KCNQ2: variants seen among roughly 807,000 people sequenced by gnomAD.
KCNQ2 encodes the protein potassium voltage-gated channel subfamily KQT member 2.
Under a neutral mutation model 84.8 loss-of-function variants are expected in KCNQ2, and 14 were observed. That is an observed-to-expected ratio of 0.17 (90% CI 0.11 to 0.26). The LOEUF (loss-of-function observed/expected upper bound fraction) is 0.26, where lower values mean the gene tolerates loss of function less well. Ranked by LOEUF, KCNQ2 falls within the 10% of genes least tolerant of loss-of-function variation. KCNQ2 has a pLI of 1.00. For synonymous variants in KCNQ2, 599 were observed against 554.1 expected, an observed-to-expected ratio of 1.08 and a Z score of -1.14; for missense variants, 788 against 1,254.0, an observed-to-expected ratio of 0.63 and a Z score of 5.61.
intron 1 of KCNQ2, among the ~76,000 whole-genome samples, chr20:63,458,420 G>A (rs1339680024): frequency 6.6e-6 from 1 of 152,124 alleles, no homozygotes; most frequent in Non-Finnish European, 1.5e-5. Flanking sequence ...CGCCGTCCCT[G>A]CCCCAGGGCC....
intron 11 of KCNQ2, among the ~76,000 whole-genome samples, chr20:63,421,668 G>A (rs752457072): frequency 1.3e-5 from 2 of 152,318 alleles, no homozygotes; most frequent in African/African-American, 2.4e-5. Context: ...CTTGAGAAGA[G>A]GAGGGGGAGC....
rs1408316661 is a variant in KCNQ2 at position 63,404,569 on chromosome 20, T to A, written c.*2075A>T. The A allele has an allele frequency of 6.6e-6, 1 of 152,320 alleles. No homozygotes were observed. Among genetic ancestry groups the A allele is most frequent in the Non-Finnish European group, 1.5e-5 (1 of 68,156 alleles). 9.4% of individuals were successfully genotyped at this position (152,320 alleles called of 1,614,324 possible). A position where few individuals can be genotyped will look rare whatever the true frequency, so the allele number is the denominator to read the frequency against. ...GGGGAGCGGTGGCCGGGGCTGGTGC[T>A]GCGTTGGGTGGGACGCACTCATACC... is the stretch of plus-strand genomic sequence containing the variant. On this transcript the variant is annotated 3_prime_UTR_variant, in exon 17 of 17. Transcript: ENST00000359125.
At chr20:63,472,044 C>A (rs2082229083) in intron 1 of KCNQ2, 124 bp downstream of exon 1, 1 of 651,784 alleles carries the variant, frequency 1.5e-6, no homozygotes. Context: ...GGAGCGCCGG[C>A]CCCGGACCCA....
Position 63,472,409 on chromosome 20 carries a change from T to G in KCNQ2, c.55A>C (p.Lys19Gln). 22 of 1,538,654 alleles carry G rather than the reference T, an allele frequency of 1.4e-5. No homozygotes were observed. The highest frequency in any genetic ancestry group is 1.9e-5 in the Non-Finnish European group (22 of 1,146,550). Residue 19 changes from lysine (K) to glutamine (Q), a missense_variant, in exon 1 of 17, where the codon AAG becomes CAG. By Grantham distance (53) the Lys-to-Gln change is moderately conservative (BLOSUM62 1). Coordinates refer to ENST00000359125, the MANE Select transcript of KCNQ2 (RefSeq NM_172107.4). ...AGCCCCACGAAGCCCACCTTCAGCT[T>G]CTTCTCCCCGCTCGGGCCGGGGTAT... ...GVYPGPSGEKKLKVGFVGLDP... is the reference protein window; with the variant it reads ...GVYPGPSGEKQLKVGFVGLDP...
chr20:63,427,536 C>CG (rs2080668931), intron 10 of KCNQ2, among the ~76,000 whole-genome samples: 1 of 152,234 alleles, frequency 6.6e-6, no homozygotes, highest in Non-Finnish European at 1.5e-5. Context: ...AATCAAGGTG[C>CG]GGGCGGGGCC....
intron 12 of KCNQ2, 87 bp downstream of exon 12, chr20:63,419,532 C>A: frequency 1.4e-6 from 2 of 1,384,846 alleles, no homozygotes; most frequent in East Asian, 2.4e-5. Flanking sequence ...CCAGCCTCCC[C>A]CTGGCTCCTC....
At chr20:63,458,152 C>A (rs1273401435) in intron 1 of KCNQ2, among the ~76,000 whole-genome samples, 1 of 151,994 alleles carries the variant, frequency 6.6e-6, no homozygotes, top group African/African-American at 2.4e-5. Flanking sequence ...GGACTTTACT[C>A]TTCCTCCCGG....
chr20:63,429,518 G>T (rs932795452), intron 9 of KCNQ2, among the ~76,000 whole-genome samples: 1 of 152,022 alleles, frequency 6.6e-6, no homozygotes, highest in African/African-American at 2.4e-5. Flanking sequence ...GCCCCTGCCC[G>T]TGTCCTCCCT....
Position 63,431,355 on chromosome 20 carries a change from G to C in KCNQ2, c.1133C>G (p.Thr378Ser), listed in dbSNP as rs1260593444. The change falls in exon 9 of 17, where the codon ACC becomes AGC. Residue 378 changes from threonine (T) to serine (S), a missense_variant. By Grantham distance (58) the Thr-to-Ser change is moderately conservative. Around this residue, in one of 8 missense-constraint regions of KCNQ2, gnomAD observed 202 missense variants for 239.4 expected, o/e 0.84. Transcript: ENST00000359125. The stretch of plus-strand genomic sequence containing the variant: ...CATTTCCTACCTGGAGGCCCCGTAG[G>C]TTTGAGTTTGCGAACTTTCAAGTGT... ...TVPMYSSQTQTYGASRLIPPL... is the reference protein window; with the variant it reads ...TVPMYSSQTQSYGASRLIPPL... The C allele has an allele frequency of 2.5e-6, 4 of 1,613,820 alleles. No individual in the cohort carries two copies. The highest frequency in any genetic ancestry group is 2.2e-5 in the East Asian group (1 of 44,886).
In KCNQ2 at chr20:63,435,378, T is replaced by C. The variant is rs1245846789; in HGVS notation, c.1024-1475A>G. 3.5e-5 allele frequency among the ~76,000 whole-genome samples: 4 copies of C among 113,010 alleles called. No individual in the cohort carries two copies. In the Admixed American group the frequency reaches 4.6e-4, roughly 13 times the overall value. The allele number at this position is 113,010 out of a possible 152,430, so 74.1% of individuals were successfully genotyped here. ...ACTCCAGCCTGGGCAAGAGAGCAAG[T>C]CCCTATCTCAACAACAACAAAAAAA... On this transcript the variant is annotated intron_variant, in intron 7 of 16. Transcript: ENST00000359125.
chr20:63,468,973 T>C (rs1326229458), intron 1 of KCNQ2, among the ~76,000 whole-genome samples: 1 of 152,192 alleles, frequency 6.6e-6, no homozygotes, highest in African/African-American at 2.4e-5. Flanking sequence ...TGGCAGGCTG[T>C]AACTAAGCGG....
intron 4 of KCNQ2, among the ~76,000 whole-genome samples, chr20:63,443,063 T>G (rs555117976): frequency 3.0e-5 from 1 of 33,728 alleles, no homozygotes. Context: ...AGCATCACCA[T>G]CACCATTATC....
At position 63,439,619 on chromosome 20, in the gene KCNQ2, G is replaced by A; in HGVS notation, c.906C>T (p.Val302=). ...TTACTGCAGGCAGCGCGAAGAAGGA[G>A]ACACCGATGAGGGTGAAGGTTGCCG... ...LLAATFTLIG[V]SFFALPAGIL... The change falls in exon 6 of 17, where the codon GTC becomes GTT. Residue 302 remains valine, a synonymous_variant. Coordinates refer to ENST00000359125, the MANE Select transcript of KCNQ2 (RefSeq NM_172107.4). The A allele has an allele frequency of 6.2e-7, 1 of 1,613,520 alleles. No homozygotes were observed.
chr20:63,430,108 G>A (rs1223263928), intron 9 of KCNQ2, among the ~76,000 whole-genome samples: 1 of 152,204 alleles, frequency 6.6e-6, no homozygotes, highest in Non-Finnish European at 1.5e-5. Flanking sequence ...AGACACACAC[G>A]TCAGCCCTCA....
chr20:63,421,271 C>G (rs982955430), intron 11 of KCNQ2, among the ~76,000 whole-genome samples: 2 of 151,714 alleles, frequency 1.3e-5, no homozygotes, highest in Non-Finnish European at 2.9e-5. Context: ...GCTGTCGCCA[C>G]CAGGCACCTG....
At chr20:63,456,161 C>T (rs1231162325) in intron 1 of KCNQ2, among the ~76,000 whole-genome samples, 1 of 151,594 alleles carries the variant, frequency 6.6e-6, no homozygotes, top group Admixed American at 6.6e-5. Flanking sequence ...CTCCGGGAGA[C>T]CCCTCTGCTC....
At chr20:63,448,763 A>G (rs532827157) in intron 1 of KCNQ2, among the ~76,000 whole-genome samples, 3 of 152,106 alleles carry the variant, frequency 2.0e-5, no homozygotes, top group African/African-American at 7.2e-5. Context: ...TCCTGGGGGA[A>G]GTCCCTCCAG....
rs557484309 is a variant in KCNQ2 at position 63,408,222 on chromosome 20, C to G, written c.1887+191G>C. The G allele has an allele frequency of 3.9e-4, 279 of 710,706 alleles. 1 individual carries two copies. The African/African-American group carries it at 4.4e-3, about 11-fold the overall frequency. The allele number at this position is 710,706 out of a possible 1,614,324, so 44.0% of individuals were successfully genotyped here. On this transcript the variant is annotated intron_variant, in intron 16 of 16. Transcript: ENST00000359125. The surrounding 1 kb of genome is among the most constrained non-coding windows in gnomAD (Gnocchi z 5.0). ...CTGTCAGGAGGGAAGGCACCCAGGCCGGGGGTGGGAGGCTCACGGTGGGGT... is the reference window on the plus strand; with the variant it reads ...CTGTCAGGAGGGAAGGCACCCAGGCGGGGGGTGGGAGGCTCACGGTGGGGT...
chr20:63,452,887 G>A (rs905560268), intron 1 of KCNQ2, among the ~76,000 whole-genome samples: 2 of 151,558 alleles, frequency 1.3e-5, no homozygotes, highest in Non-Finnish European at 2.9e-5. Context: ...CCGGGACGAC[G>A]CGCCAGCCGG....
Sources: gnomAD v4.1 joint callset for allele counts (sites outside exome capture counted in the v4.1 genomes callset) on GRCh38, gnomAD v4.1.1 for gene constraint, gnomAD v4.1.1 regional missense constraint, Gnocchi (gnomAD v3.1) non-coding constraint, MANE v1.5 for transcripts, NCBI Gene and HGNC (gene_info 2026-07-23, HGNC 2026-07-21) for gene names.